Variants in GLMN observed in about 807,000 individuals in gnomAD.
GLMN encodes glomulin.
GLMN carries 75 observed loss-of-function variants against 87.8 expected under a neutral mutation model. That is an observed-to-expected ratio of 0.85 (90% CI 0.71 to 1.04). GLMN has a LOEUF of 1.04. Among genes scored for constraint, GLMN ranks in the 50% least tolerant of loss-of-function variants. The probability of loss-of-function intolerance (pLI) is 0.00; values close to 1 mark genes in which losing one functional copy is unlikely to be tolerated. For synonymous variants in GLMN, 206 were observed against 221.6 expected (o/e 0.93, Z 0.63); for missense variants, 588 against 658.8 (o/e 0.89, Z 1.18).
chr1:92,297,115 C>CTTTTTTTTTTTT (rs1034040272), intron 3 of GLMN, among the ~76,000 whole-genome samples: 7 of 118,314 alleles, frequency 5.9e-5, no homozygotes, highest in Admixed American at 8.5e-5. Flanking sequence ...TGTTTCTTTT[C>CTTTTTTTTTTTT]TTTTTTTTTT....
intron 7 of GLMN, among the ~76,000 whole-genome samples, chr1:92,284,245 A>G (rs901223151): frequency 4.6e-5 from 7 of 152,238 alleles, no homozygotes; most frequent in African/African-American, 1.7e-4. Flanking sequence ...AGTAACCAAA[A>G]CAGATTGGTA....
chr1:92,361,114 CACAT>C, the GLMN span, among the ~76,000 whole-genome samples: 427 of 62,154 alleles, frequency 6.9e-3, 3 homozygotes, highest in South Asian at 0.049. Context: ...CACACACACA[CACAT>C]ATATATATAT....
chr1:92,255,734 A>C (rs1169331352), intron 16 of GLMN, among the ~76,000 whole-genome samples: 1 of 152,208 alleles, frequency 6.6e-6, no homozygotes, highest in Non-Finnish European at 1.5e-5. Flanking sequence ...GACACAACAT[A>C]CCAGAATCTC....
the GLMN span, among the ~76,000 whole-genome samples, chr1:92,322,144 C>G: frequency 6.6e-6 from 1 of 151,628 alleles, no homozygotes; most frequent in Admixed American, 6.6e-5. Context: ...CAGGGTTTCA[C>G]TATGTTGGCC....
intron 16 of GLMN, among the ~76,000 whole-genome samples, chr1:92,258,078 C>A (rs1654492121): frequency 6.6e-6 from 1 of 151,224 alleles, no homozygotes; most frequent in East Asian, 1.9e-4. Flanking sequence ...AAAAAAAAAC[C>A]CATCAAAAAG....
chr1:92,278,082 CTGCT>C (rs751057271), intron 7 of GLMN, among the ~76,000 whole-genome samples: 47 of 152,150 alleles, frequency 3.1e-4, no homozygotes, highest in Non-Finnish European at 3.4e-4. Flanking sequence ...CGTTGTACAA[CTGCT>C]TGCTTGCTTG....
At chr1:92,347,345 T>TCACC in the GLMN span, among the ~76,000 whole-genome samples, 1 of 152,198 alleles carries the variant, frequency 6.6e-6, no homozygotes, top group Non-Finnish European at 1.5e-5. Context: ...GTATCTCTGC[T>TCACC]CACCCACCAG....
intron 6 of GLMN, among the ~76,000 whole-genome samples, chr1:92,288,327 T>C (rs1305672459): frequency 2.0e-5 from 3 of 152,160 alleles, no homozygotes; most frequent in Admixed American, 6.5e-5. Flanking sequence ...CTGAGCTACA[T>C]GTATCTATTT....
intron 2 of GLMN, chr1:92,297,756 G>A: frequency 1.6e-6 from 1 of 628,316 alleles, no homozygotes; most frequent in Non-Finnish European, 2.8e-6. Context: ...AAAGGATCAG[G>A]ATTAAAATGT....
At chr1:92,342,594 T>G in the GLMN span, among the ~76,000 whole-genome samples, 1 of 152,174 alleles carries the variant, frequency 6.6e-6, no homozygotes, top group Non-Finnish European at 1.5e-5. Context: ...TTACAACAGA[T>G]GGGCCGAGGC....
At chr1:92,304,196 A>G in the GLMN span, 14 of 1,115,612 alleles carry the variant, frequency 1.3e-5, no homozygotes, top group Middle Eastern at 3.9e-4. Context: ...TTGGCCAATG[A>G]TATGATATGT....
At chr1:92,322,219 T>A in the GLMN span, among the ~76,000 whole-genome samples, 4 of 151,592 alleles carry the variant, frequency 2.6e-5, no homozygotes, top group Non-Finnish European at 5.9e-5. Flanking sequence ...GTGCTGGGAT[T>A]ACAGATGTGA....
chr1:92,274,914 C>T (rs1047535373), intron 7 of GLMN, among the ~76,000 whole-genome samples: 2 of 152,182 alleles, frequency 1.3e-5, no homozygotes, highest in African/African-American at 4.8e-5. Context: ...CCCTATCCAA[C>T]CTGAATCATG....
chr1:92,270,193 T>C (rs945095191), intron 8 of GLMN, among the ~76,000 whole-genome samples: 5 of 152,232 alleles, frequency 3.3e-5, no homozygotes, highest in African/African-American at 1.2e-4. Context: ...TCCAGAACTA[T>C]GAGACAAACT....
chr1:92,248,070 CAAAAAT>C (rs1377893751), intron 16 of GLMN, 81 bp from the exon 17 acceptor site: 2 of 739,412 alleles, frequency 2.7e-6, no homozygotes, highest in African/African-American at 3.5e-5. Context: ...GCTCAAAAAA[CAAAAAT>C]AAATGAAACA....
At chr1:92,311,594 C>A in the GLMN span, among the ~76,000 whole-genome samples, 1 of 152,168 alleles carries the variant, frequency 6.6e-6, no homozygotes, top group Non-Finnish European at 1.5e-5. Context: ...GATGCCATGA[C>A]CTTACACACC....
At chr1:92,269,825 T>C (rs1656049111) in intron 8 of GLMN, 49 bp from the exon 9 acceptor site, 1 of 1,150,058 alleles carries the variant, frequency 8.7e-7, no homozygotes, top group Admixed American at 1.7e-5. Context: ...CACACAGAGA[T>C]ATGTACACAC....
intron 7 of GLMN, among the ~76,000 whole-genome samples, chr1:92,273,441 GTTTTTT>G (rs563200839): frequency 6.4e-5 from 7 of 109,452 alleles, no homozygotes; most frequent in Non-Finnish European, 1.3e-4. Context: ...AGGTAGCCCT[GTTTTTT>G]TTTTTTTTTT....
Position 92,297,534 on chromosome 1 carries a change from C to CA in GLMN, c.40-6dup, listed in dbSNP as rs372630078. ...GTCTTGCTCTTCTAGGATTTGCTGG[C>CA]AAAAAAAAAAAAAACCCAAAAAACA... is the stretch of plus-strand genomic sequence containing the variant. On this transcript the variant is annotated splice_polypyrimidine_tract_variant and splice_region_variant and intron_variant, in intron 2 of 18. Transcript: ENST00000370360. The CA allele has an allele frequency of 0.14, 152,919 of 1,079,106 alleles. 99 individuals carry two copies. The highest frequency in any genetic ancestry group is 0.17 in the South Asian group (10,333 of 59,836). The allele number at this position is 1,079,106 out of a possible 1,614,324, so 66.8% of individuals were successfully genotyped here. A position where few individuals can be genotyped will look rare whatever the true frequency, so the allele number is the denominator to read the frequency against.
Sources: gnomAD v4.1 joint callset for allele counts (sites outside exome capture counted in the v4.1 genomes callset) on GRCh38, gnomAD v4.1.1 for gene constraint, MANE v1.5 for transcripts, NCBI Gene and HGNC (gene_info 2026-07-23, HGNC 2026-07-21) for gene names.